Variants in SERPINB10 observed in about 807,000 individuals in gnomAD.
The protein encoded by SERPINB10 is serpin family B member 10, also known as serpin B10.
In SERPINB10, 35 loss-of-function variants were observed where a neutral mutation model predicts 39.1. The ratio of observed to expected loss-of-function variants is 0.90; its 90% CI spans 0.68 to 1.19. The LOEUF (loss-of-function observed/expected upper bound fraction) is 1.19. SERPINB10 is among the 50% of genes most tolerant of loss of function. SERPINB10 has a pLI of 0.00. For missense variants in SERPINB10, 546 were observed against 460.5 expected (o/e 1.19, Z -1.70); for synonymous variants, 190 against 158.1 (o/e 1.20, Z -1.52).
rs374016764 is a variant in SERPINB10 at position 63,930,061 on chromosome 18, C to T, written c.507C>T (p.Leu169=). 40 of 1,613,196 alleles carry T rather than the reference C, an allele frequency of 2.5e-5. No homozygotes were observed. Among genetic ancestry groups the T allele is most frequent in the Non-Finnish European group, 8.5e-7 (1 of 1,179,582 alleles). The change falls in exon 6 of 8, where the codon CTC becomes CTT. Residue 169 remains leucine, a synonymous_variant. Transcript: ENST00000238508. The stretch of plus-strand genomic sequence containing the variant: ...TTCTTACAGGTAAAATCCAGAATCT[C>T]CTGCCTGATGACTCTGTGGATTCCA... ...ERQTEGKIQN[L]LPDDSVDSTT... is the part of the protein sequence containing the mutation.
At chr18:63,919,971 G>A in intron 5 of SERPINB10, 66 bp downstream of exon 5, 1 of 949,468 alleles carries the variant, frequency 1.1e-6, no homozygotes, top group Non-Finnish European at 1.6e-6. Flanking sequence ...ATTTTAGTTT[G>A]TGTCATATGT....
At chr18:63,926,789 T>C (rs1568248416) in intron 5 of SERPINB10, among the ~76,000 whole-genome samples, 1 of 152,078 alleles carries the variant, frequency 6.6e-6, no homozygotes, top group African/African-American at 2.4e-5. Context: ...AATTTAAATA[T>C]GACCTGTCAA....
At chr18:63,920,614 G>T (rs752076271) in intron 5 of SERPINB10, among the ~76,000 whole-genome samples, 2 of 151,982 alleles carry the variant, frequency 1.3e-5, no homozygotes, top group African/African-American at 2.4e-5. Context: ...TCTTTAAGGG[G>T]ATGCCCTGGA....
At chr18:63,922,094 T>C (rs189474084) in intron 5 of SERPINB10, among the ~76,000 whole-genome samples, 36 of 152,132 alleles carry the variant, frequency 2.4e-4, no homozygotes, top group Admixed American at 1.6e-3. Context: ...TCAAGGACTC[T>C]ATGTGCGATA....
chr18:63,929,125 C>T (rs1295066089), intron 5 of SERPINB10, among the ~76,000 whole-genome samples: 1 of 151,992 alleles, frequency 6.6e-6, no homozygotes, highest in African/African-American at 2.4e-5. Flanking sequence ...CCAACAGCTA[C>T]AAATACGAAA....
rs542427914 is a variant in SERPINB10 at position 63,919,018 on chromosome 18, A to G, written c.373-770A>G. ...TTAAATTCCACAGAATTTAGACTTCATAATCTTCAAGCCACTTCCTGGCAA... is the reference window on the plus strand; with the variant it reads ...TTAAATTCCACAGAATTTAGACTTCGTAATCTTCAAGCCACTTCCTGGCAA... On this transcript the variant is annotated intron_variant, in intron 4 of 7. Coordinates refer to ENST00000238508, the MANE Select transcript of SERPINB10 (RefSeq NM_005024.3). 3.9e-5 allele frequency among the ~76,000 whole-genome samples: 6 copies of G among 152,184 alleles called. No individual in the cohort carries two copies. The South Asian group carries it at 1.2e-3, about 32-fold the overall frequency.
chr18:63,910,713 G>T (rs1440538713), intron 1 of SERPINB10, among the ~76,000 whole-genome samples: 1 of 151,908 alleles, frequency 6.6e-6, no homozygotes, highest in Non-Finnish European at 1.5e-5. Context: ...TAGGCACCTA[G>T]GTTGATTTCA....
chr18:63,919,957 A>T (rs1028317915), intron 5 of SERPINB10, 52 bp downstream of exon 5: 1 of 1,124,412 alleles, frequency 8.9e-7, no homozygotes, highest in Non-Finnish European at 1.3e-6. Context: ...ACATCCTTGT[A>T]TTTATTTTAG....
intron 5 of SERPINB10, among the ~76,000 whole-genome samples, chr18:63,929,826 G>T (rs1228313585): frequency 6.6e-6 from 1 of 151,194 alleles, no homozygotes; most frequent in African/African-American, 2.4e-5. Context: ...GTGGAATAAT[G>T]CTTACTGACA....
chr18:63,909,911 G>A (rs556925211), intron 1 of SERPINB10, among the ~76,000 whole-genome samples: 1 of 152,126 alleles, frequency 6.6e-6, no homozygotes, highest in Non-Finnish European at 1.5e-5. Context: ...TGAGAGTGTA[G>A]AATTACTACA....
intron 1 of SERPINB10, among the ~76,000 whole-genome samples, chr18:63,912,345 C>T (rs958180575): frequency 6.6e-5 from 10 of 151,968 alleles, no homozygotes; most frequent in African/African-American, 2.4e-4. Flanking sequence ...AAAGAGTAGG[C>T]ATTCTTGTCT....
intron 5 of SERPINB10, among the ~76,000 whole-genome samples, chr18:63,928,762 T>A (rs1240625810): frequency 6.6e-6 from 1 of 151,678 alleles, no homozygotes; most frequent in Non-Finnish European, 1.5e-5. Context: ...GTCCTTGACA[T>A]CCCTTGTAAG....
rs373446323 is a variant in SERPINB10 at position 63,935,136 on chromosome 18, T to A, written c.1088T>A (p.Ile363Asn). The A allele has an allele frequency of 4.3e-6, 7 of 1,613,574 alleles. No homozygotes were observed. The highest frequency in any genetic ancestry group is 1.3e-5 in the African/African-American group (1 of 74,944). ...AGSGSEIDIRIRVPSIEFNAN... is the reference protein window; with the variant it reads ...AGSGSEIDIRNRVPSIEFNAN... ...AGTGGGAGTGAGATAGATATACGAA[T>A]TAGAGTCCCATCCATTGAATTCAAT... is the stretch of plus-strand genomic sequence containing the variant. The change falls in exon 8 of 8, where the codon ATT becomes AAT. Residue 363 changes from isoleucine (I) to asparagine (N), a missense_variant. Transcript: ENST00000238508.
chr18:63,935,042 T>C lies in SERPINB10; in HGVS notation c.994T>C (p.Phe332Leu). ...AGGAATGTCTTCAGCAAGAAACCTATTTTTGTCCAATGTTTTCCATAAGGC... is the reference window on the plus strand; with the variant it reads ...AGGAATGTCTTCAGCAAGAAACCTACTTTTGTCCAATGTTTTCCATAAGGC... ...FSGMSSARNL[F>L]LSNVFHKAFV... is the part of the protein sequence containing the mutation. The change falls in exon 8 of 8, where the codon TTT becomes CTT. Residue 332 changes from phenylalanine to leucine, a missense_variant. Physicochemically the swap from Phe to Leu is conservative, Grantham distance 22 (BLOSUM62 0). Transcript: ENST00000238508. 3.7e-6 allele frequency: 6 copies of C among 1,614,194 alleles called. No individual in the cohort carries two copies. Among genetic ancestry groups the C allele is most frequent in the South Asian group, 1.1e-5 (1 of 91,068 alleles).
chr18:63,909,867 G>A (rs1318898187), intron 1 of SERPINB10, among the ~76,000 whole-genome samples: 1 of 152,036 alleles, frequency 6.6e-6, no homozygotes, highest in Non-Finnish European at 1.5e-5. Context: ...GATCTGTTGA[G>A]GAAGAAAGTC....
chr18:63,919,929 G>A (rs779083392), intron 5 of SERPINB10, 24 bp downstream of exon 5: 4 of 1,462,914 alleles, frequency 2.7e-6, no homozygotes, highest in Admixed American at 1.9e-5. Context: ...AAGGGGTTTG[G>A]CAGCGTGCTT....
chr18:63,924,287 A>G (rs1296963797), intron 5 of SERPINB10, among the ~76,000 whole-genome samples: 1 of 151,972 alleles, frequency 6.6e-6, no homozygotes, highest in Non-Finnish European at 1.5e-5. Flanking sequence ...GGAAGCTTCC[A>G]GTTTTTCTTG....
At position 63,934,853 on chromosome 18, in the gene SERPINB10, A is replaced by T. The variant is rs1472873647; in HGVS notation, c.805A>T (p.Thr269Ser). 4.4e-6 allele frequency: 7 copies of T among 1,597,628 alleles called. No homozygotes were observed. The highest frequency in any genetic ancestry group is 4.5e-5 in the East Asian group (2 of 44,774). Residue 269 changes from threonine (T) to serine (S), a missense_variant, in exon 8 of 8, where the codon ACC becomes TCC. Transcript: ENST00000238508. The part of the protein sequence containing the change: ...NGLEQLEKAI[T>S]YEKLNEWTSA... The stretch of plus-strand genomic sequence containing the variant: ...AAATGGGCAGCTGGAAAAGGCCATC[A>T]CCTATGAGAAGCTGAATGAGTGGAC...
intron 1 of SERPINB10, among the ~76,000 whole-genome samples, chr18:63,912,476 G>T (rs1025607004): frequency 4.6e-5 from 7 of 152,000 alleles, no homozygotes; most frequent in African/African-American, 1.7e-4. Context: ...CTAGTCTGTT[G>T]AGGGTTTTTA....
Sources: allele counts gnomAD v4.1 joint callset (sites outside exome capture counted in the v4.1 genomes callset), GRCh38; gene constraint gnomAD v4.1.1; transcripts MANE v1.5; gene names NCBI Gene and HGNC (gene_info 2026-07-23, HGNC 2026-07-21).